Variants in TNNI3K observed in about 807,000 individuals in gnomAD.
TNNI3K encodes the protein TNNI3 interacting kinase, also known as serine/threonine-protein kinase TNNI3K.
Under a neutral mutation model 114.5 loss-of-function variants are expected in TNNI3K, and 140 were observed. The ratio of observed to expected loss-of-function variants is 1.22; its 90% CI spans 1.07 to 1.41. TNNI3K has a LOEUF of 1.41. Among genes scored for constraint, TNNI3K ranks in the 40% most tolerant of loss-of-function variants. The pLI, the probability that TNNI3K is intolerant of heterozygous loss-of-function variation, is 0.00. For missense variants in TNNI3K, 1,125 were observed against 1,007.6 expected (o/e 1.12, Z -1.58); for synonymous variants, 347 against 347.5 (o/e 1.00, Z 0.02).
At chr1:74,309,855 C>G (rs927943022) in intron 5 of TNNI3K, among the ~76,000 whole-genome samples, 2 of 152,162 alleles carry the variant, frequency 1.3e-5, no homozygotes, top group Non-Finnish European at 2.9e-5. Flanking sequence ...CAACATCATA[C>G]TGAAAGGGCA....
intron 4 of TNNI3K, among the ~76,000 whole-genome samples, chr1:74,251,851 G>A (rs527798354): frequency 6.6e-6 from 1 of 152,270 alleles, no homozygotes; most frequent in Admixed American, 6.5e-5. Context: ...CTCTTTTCAT[G>A]CCCAGTCAAT....
At chr1:74,402,627 TAG>T (rs1664423656) in intron 17 of TNNI3K, among the ~76,000 whole-genome samples, 1 of 152,252 alleles carries the variant, frequency 6.6e-6, no homozygotes, top group African/African-American at 2.4e-5. Context: ...ACTTTTTTGG[TAG>T]AGTCTTCAAT....
intron 16 of TNNI3K, chr1:74,369,871 TAAAG>T (rs1162195512): frequency 2.8e-5 from 9 of 317,066 alleles, no homozygotes; most frequent in Admixed American, 1.4e-4. Flanking sequence ...GAAATACTGA[TAAAG>T]AAGATATATG....
At chr1:74,262,570 C>A (rs1387464490) in intron 4 of TNNI3K, among the ~76,000 whole-genome samples, 7 of 151,526 alleles carry the variant, frequency 4.6e-5, no homozygotes, top group African/African-American at 1.7e-4. Context: ...AAAAAGAATC[C>A]CACTTTTTGC....
chr1:74,314,050 TATATATATATATA>T (rs1557491438), intron 5 of TNNI3K, among the ~76,000 whole-genome samples: 1 of 43,712 alleles, frequency 2.3e-5, no homozygotes, highest in African/African-American at 9.4e-5. Context: ...GTTCATTATA[TATATATATATATA>T]TATATATATA....
At chr1:74,506,685 A>G (rs1255650466) in intron 23 of TNNI3K, among the ~76,000 whole-genome samples, 1 of 152,240 alleles carries the variant, frequency 6.6e-6, no homozygotes, top group East Asian at 1.9e-4. Flanking sequence ...TCTGCATTTT[A>G]ACAAGATTTT....
At chr1:74,355,138 ATTG>A (rs1264814184) in intron 11 of TNNI3K, among the ~76,000 whole-genome samples, 9 of 152,242 alleles carry the variant, frequency 5.9e-5, no homozygotes, top group Non-Finnish European at 1.2e-4. Flanking sequence ...TCACATTTTA[ATTG>A]TTATTTTAAC....
At chr1:74,506,702 C>A (rs1034857841) in intron 23 of TNNI3K, among the ~76,000 whole-genome samples, 1 of 152,156 alleles carries the variant, frequency 6.6e-6, no homozygotes. Flanking sequence ...TTTTAACAGG[C>A]GACTTGCAAA....
At chr1:74,247,595 A>G (rs1158540306) in intron 2 of TNNI3K, among the ~76,000 whole-genome samples, 1 of 152,086 alleles carries the variant, frequency 6.6e-6, no homozygotes, top group Non-Finnish European at 1.5e-5. Flanking sequence ...TTGACAGGGT[A>G]CTGATTGGTG....
intron 17 of TNNI3K, among the ~76,000 whole-genome samples, chr1:74,404,220 T>G (rs1664504386): frequency 6.6e-6 from 1 of 152,132 alleles, no homozygotes; most frequent in South Asian, 2.1e-4. Flanking sequence ...TAAATCAGAA[T>G]TTATATCTTC....
chr1:74,369,989 A>G (rs1662508676), intron 16 of TNNI3K: 1 of 238,268 alleles, frequency 4.2e-6, no homozygotes, highest in South Asian at 1.4e-4. Flanking sequence ...GTAGTTTCAT[A>G]CAGTGATTAA....
chr1:74,499,178 A>T lies in TNNI3K; in HGVS notation c.2351+6912A>T, dbSNP rs544022247. 7.9e-5 allele frequency among the ~76,000 whole-genome samples: 12 copies of T among 152,296 alleles called. No homozygotes were observed. The South Asian group carries it at 2.5e-3, about 32-fold the overall frequency. On this transcript the variant is annotated intron_variant, in intron 23 of 24. Coordinates refer to ENST00000326637, the MANE Select transcript of TNNI3K (RefSeq NM_015978.3). The stretch of plus-strand genomic sequence containing the variant: ...ACTCAGGGTCTTTACTTTTCCTGCA[A>T]ATGGGACCATGTCTGATTATTTATT...
chr1:74,306,651 G>A (rs899859399), intron 5 of TNNI3K, among the ~76,000 whole-genome samples: 2 of 152,082 alleles, frequency 1.3e-5, no homozygotes, highest in African/African-American at 4.8e-5. Flanking sequence ...ATTTTTTCAT[G>A]TTTCTTGGCC....
At chr1:74,490,340 T>C (rs1669002629) in intron 22 of TNNI3K, among the ~76,000 whole-genome samples, 1 of 152,166 alleles carries the variant, frequency 6.6e-6, no homozygotes. Flanking sequence ...AAGCCTTGGG[T>C]ATTAAGAGAC....
chr1:74,349,186 A>G (rs760285745), intron 9 of TNNI3K, among the ~76,000 whole-genome samples: 6 of 152,142 alleles, frequency 3.9e-5, no homozygotes, highest in Non-Finnish European at 7.4e-5. Context: ...TACCTAATTT[A>G]TTGAAAGTTT....
chr1:74,269,689 G>C (rs1308255332), intron 4 of TNNI3K, among the ~76,000 whole-genome samples: 1 of 151,810 alleles, frequency 6.6e-6, no homozygotes, highest in Non-Finnish European at 1.5e-5. Context: ...AAGTCAGCCT[G>C]GGAAAATTAT....
At chr1:74,300,029 C>T (rs1658224511) in intron 5 of TNNI3K, among the ~76,000 whole-genome samples, 1 of 152,090 alleles carries the variant, frequency 6.6e-6, no homozygotes, top group African/African-American at 2.4e-5. Flanking sequence ...AACTTAGAAT[C>T]CTATATATTT....
At chr1:74,349,820 C>T (rs1233411257) in intron 9 of TNNI3K, among the ~76,000 whole-genome samples, 2 of 151,882 alleles carry the variant, frequency 1.3e-5, no homozygotes, top group Non-Finnish European at 2.9e-5. Flanking sequence ...TGGTGATATC[C>T]CCTGTGTCAT....
chr1:74,293,834 T>G (rs1657817422), intron 5 of TNNI3K, among the ~76,000 whole-genome samples: 1 of 151,778 alleles, frequency 6.6e-6, no homozygotes, highest in Admixed American at 6.6e-5. Flanking sequence ...TAAGTATGTA[T>G]AGACATTTTT....
Sources: allele counts gnomAD v4.1 joint callset (sites outside exome capture counted in the v4.1 genomes callset), GRCh38; gene constraint gnomAD v4.1.1; transcripts MANE v1.5; gene names NCBI Gene and HGNC (gene_info 2026-07-23, HGNC 2026-07-21).